INSL6: variants seen among roughly 807,000 people sequenced by gnomAD.
INSL6 encodes the protein insulin like 6, also known as insulin-like peptide INSL6.
Under a neutral mutation model 9.4 loss-of-function variants are expected in INSL6, and 16 were observed. That is an observed-to-expected ratio of 1.70 (90% CI 1.15 to 2.59). INSL6 has a LOEUF of 2.59. INSL6 is among the 30% of genes most tolerant of loss of function. The probability of loss-of-function intolerance (pLI) is 0.00; values close to 1 mark genes in which losing one functional copy is unlikely to be tolerated. For missense variants in INSL6, 391 were observed against 257.3 expected (o/e 1.52, Z -3.56); for synonymous variants, 154 against 96.9 (o/e 1.59, Z -3.46).
the INSL6 span, among the ~76,000 whole-genome samples, chr9:5,040,269 G>A: frequency 6.6e-5 from 10 of 150,554 alleles, no homozygotes; most frequent in African/African-American, 1.7e-4. Flanking sequence ...AATGAAGTAA[G>A]ACAATCTACT....
At chr9:5,011,330 C>T in the INSL6 span, among the ~76,000 whole-genome samples, 1 of 152,072 alleles carries the variant, frequency 6.6e-6, no homozygotes, top group Non-Finnish European at 1.5e-5. Flanking sequence ...GGACTACGGG[C>T]ACAGAGCACC....
rs62620190 is a variant in INSL6, at chr9:5,185,460, G to C, written c.143C>G (p.Ala48Gly). The change falls in exon 1 of 2, where the codon GCC becomes GGC. Residue 48 changes from alanine to glycine, a missense_variant. Ala to Gly is a moderately conservative substitution (Grantham distance 60, BLOSUM62 0). Transcript: ENST00000381641. ...CTCGAAACGGAACTGGCTCCAGTTG[G>C]CATGGCCGCAGAGTTTTTCTATTTC... ...VKEIEKLCGHANWSQFRFEEE... is the reference protein window; with the variant it reads ...VKEIEKLCGHGNWSQFRFEEE... The C allele has an allele frequency of 7.9e-5, 127 of 1,614,022 alleles. No homozygotes were observed. Among genetic ancestry groups the C allele is most frequent in the East Asian group, 4.0e-4 (18 of 44,886 alleles).
At chr9:5,100,739 C>T in the INSL6 span, 2 of 152,150 alleles carry the variant, frequency 1.3e-5, no homozygotes, top group African/African-American at 2.4e-5. Context: ...TCACGATTAC[C>T]TTAGGTATTT....
chr9:5,176,125 A>C (rs1311377457), intron 1 of INSL6, among the ~76,000 whole-genome samples: 1 of 152,100 alleles, frequency 6.6e-6, no homozygotes, highest in Non-Finnish European at 1.5e-5. Flanking sequence ...CTCTGCTCCA[A>C]CCACATTTGG....
At chr9:5,107,317 G>A in the INSL6 span, among the ~76,000 whole-genome samples, 1 of 151,964 alleles carries the variant, frequency 6.6e-6, no homozygotes, top group Non-Finnish European at 1.5e-5. Context: ...TATTTATATA[G>A]ATAAATCCAG....
chr9:5,135,532 T>C (rs1824373586), intron 2 of INSL6, among the ~76,000 whole-genome samples: 1 of 152,000 alleles, frequency 6.6e-6, no homozygotes, highest in Non-Finnish European at 1.5e-5. Flanking sequence ...CTGGGGTAAA[T>C]AACAAAATGA....
At chr9:5,152,206 A>C (rs1017940055) in intron 2 of INSL6, among the ~76,000 whole-genome samples, 2 of 152,238 alleles carry the variant, frequency 1.3e-5, no homozygotes, top group Non-Finnish European at 2.9e-5. Flanking sequence ...AAAGACATAG[A>C]ACAATGAATA....
chr9:5,164,541 G>C (rs999349222), intron 1 of INSL6, among the ~76,000 whole-genome samples: 2 of 152,198 alleles, frequency 1.3e-5, no homozygotes, highest in East Asian at 1.9e-4. Context: ...ATACAATTCA[G>C]TGGGTCTTAG....
At chr9:5,161,336 C>A (rs1447878211), downstream of INSL6, among the ~76,000 whole-genome samples, 3 of 152,134 alleles carry the variant, frequency 2.0e-5, no homozygotes, top group African/African-American at 7.2e-5. Flanking sequence ...AACCATATGA[C>A]CATTTAAACT....
At chr9:5,026,277 T>C in the INSL6 span, among the ~76,000 whole-genome samples, 1 of 152,212 alleles carries the variant, frequency 6.6e-6, no homozygotes, top group Non-Finnish European at 1.5e-5. Flanking sequence ...TCATTATTCA[T>C]TATAAATGCC....
At chr9:5,174,227 T>A (rs956559868) in intron 1 of INSL6, among the ~76,000 whole-genome samples, 1 of 152,156 alleles carries the variant, frequency 6.6e-6, no homozygotes. Context: ...TTGGCCCCAC[T>A]TACCATGCCA....
the INSL6 span, among the ~76,000 whole-genome samples, chr9:5,088,491 T>G: frequency 6.6e-6 from 1 of 152,284 alleles, no homozygotes; most frequent in South Asian, 2.1e-4. Context: ...ACCAATTCTA[T>G]GTACTTAATG....
At chr9:5,064,860 T>C in the INSL6 span, 1 of 1,498,960 alleles carries the variant, frequency 6.7e-7, no homozygotes, top group Non-Finnish European at 8.9e-7. Context: ...AAGGTGCTAT[T>C]TCTTTTTCTT....
chr9:5,018,987 C>T, the INSL6 span, among the ~76,000 whole-genome samples: 5 of 152,270 alleles, frequency 3.3e-5, no homozygotes, highest in African/African-American at 1.2e-4. Context: ...ACAGTTCTCT[C>T]TTTGTCTTTG....
At chr9:5,022,214 G>GT in the INSL6 span, 1 of 1,609,230 alleles carries the variant, frequency 6.2e-7, no homozygotes, top group Non-Finnish European at 8.5e-7. Flanking sequence ...AAAGCTTGTG[G>GT]TAAGTATTAA....
At chr9:4,997,023 G>A in the INSL6 span, among the ~76,000 whole-genome samples, 9 of 151,142 alleles carry the variant, frequency 6.0e-5, no homozygotes. Context: ...GCCTTCCCTG[G>A]GGTCCAGTGA....
chr9:5,106,098 C>A, the INSL6 span, among the ~76,000 whole-genome samples: 1 of 152,078 alleles, frequency 6.6e-6, no homozygotes, highest in African/African-American at 2.4e-5. Flanking sequence ...CACAGCAAAA[C>A]AAACTACCAT....
At chr9:5,114,080 C>G in the INSL6 span, 1 of 340,588 alleles carries the variant, frequency 2.9e-6, no homozygotes, top group African/African-American at 2.1e-5. Flanking sequence ...TCACCCTCAC[C>G]CAGAAGCGCT....
chr9:5,163,087 T>C (rs886805874), downstream of INSL6, among the ~76,000 whole-genome samples: 4 of 152,230 alleles, frequency 2.6e-5, no homozygotes, highest in Non-Finnish European at 5.9e-5. Flanking sequence ...CTAGTGGTTC[T>C]TGATCTTTAA....
Sources: allele counts gnomAD v4.1 joint callset (sites outside exome capture counted in the v4.1 genomes callset), GRCh38; gene constraint gnomAD v4.1.1; transcripts MANE v1.5; gene names NCBI Gene and HGNC (gene_info 2026-07-23, HGNC 2026-07-21).